Variants in RBM44 observed in about 807,000 individuals in gnomAD.
The protein encoded by RBM44 is RNA binding motif protein 44.
Under a neutral mutation model 105.1 loss-of-function variants are expected in RBM44, and 66 were observed. That is an observed-to-expected ratio of 0.63 (90% confidence interval 0.52 to 0.77). The LOEUF is 0.77. Ranked by LOEUF, RBM44 falls within the 30% of genes least tolerant of loss-of-function variation. RBM44 has a pLI of 0.00. For synonymous variants in RBM44, 365 were observed against 417.6 expected (o/e 0.87, Z 1.54); for missense variants, 1,122 against 1,207.8 (o/e 0.93, Z 1.05).
chr2:237,832,916 A>G (rs2061917454), intron 13 of RBM44, among the ~76,000 whole-genome samples: 1 of 152,220 alleles, frequency 6.6e-6, no homozygotes, highest in South Asian at 2.1e-4. Flanking sequence ...ATTACCTCAC[A>G]AATGTTGATG....
In RBM44 at chr2:237,817,060, G is replaced by A. The variant is rs745709231; in HGVS notation, c.141G>A (p.Leu47=). Reference sequence around the variant, plus strand: ...CCAATGGTTGTGATGAAGTCAAATTGACTTTTCCTGATGATGACTGGAATT... The same window carrying A: ...CCAATGGTTGTGATGAAGTCAAATTAACTTTTCCTGATGATGACTGGAATT... ...LSSNGCDEVK[L]TFPDDDWNSS... Residue 47 remains leucine, a synonymous_variant, in exon 3 of 16, where the codon TTG becomes TTA. Coordinates refer to ENST00000316997, the MANE Select transcript of RBM44 (RefSeq NM_001080504.3). 5.0e-6 allele frequency: 8 copies of A among 1,597,220 alleles called. No individual in the cohort carries two copies. Among genetic ancestry groups the A allele is most frequent in the Non-Finnish European group, 6.8e-6 (8 of 1,173,220 alleles).
At chr2:237,830,676 T>C (rs1449786552) in intron 13 of RBM44, among the ~76,000 whole-genome samples, 2 of 152,188 alleles carry the variant, frequency 1.3e-5, no homozygotes, top group Non-Finnish European at 2.9e-5. Context: ...CTATTTCTGT[T>C]GAATTACCTT....
At chr2:237,820,428 A>C (rs1286881000) in intron 5 of RBM44, 77 bp downstream of exon 5, 11 of 923,952 alleles carry the variant, frequency 1.2e-5, no homozygotes, top group Non-Finnish European at 1.6e-5. Context: ...AGTTTCTCTA[A>C]TTTTCATTTT....
intron 12 of RBM44, 23 bp downstream of exon 12, chr2:237,827,526 A>G: frequency 7.0e-6 from 9 of 1,281,150 alleles, no homozygotes; most frequent in Admixed American, 2.1e-5. Context: ...ACTTTAATCA[A>G]TGTGCATTAT....
intron 8 of RBM44, among the ~76,000 whole-genome samples, chr2:237,822,488 G>C (rs1433547535): frequency 1.3e-5 from 2 of 152,018 alleles, no homozygotes; most frequent in Non-Finnish European, 2.9e-5. Flanking sequence ...TCTGACCTTG[G>C]TTTTAACCCT....
chr2:237,816,893 C>G, intron 2 of RBM44, 100 bp from the exon 3 acceptor site: 1 of 683,704 alleles, frequency 1.5e-6, no homozygotes, highest in Non-Finnish European at 2.3e-6. Flanking sequence ...AAATTGTAAT[C>G]CCGCATTGGG....
rs1346705217 is a variant in RBM44 at position 237,818,132 on chromosome 2, T to G, written c.1213T>G (p.Ser405Ala). The change falls in exon 3 of 16, where the codon TCA becomes GCA. Residue 405 changes from serine (S) to alanine (A), a missense_variant. Around this residue, in one of 3 missense-constraint regions of RBM44, gnomAD observed 918 missense variants for 955.3 expected, o/e 0.96. Coordinates refer to ENST00000316997, the MANE Select transcript of RBM44 (RefSeq NM_001080504.3). This position sits in a 1 kb window ranked among gnomAD's most constrained non-coding sequence, Gnocchi z 4.6. The stretch of plus-strand genomic sequence containing the variant: ...TGAAAGCCTACAAAACACTGCTGAC[T>G]CAGCCTTAGATTTTTCTGCTATGCT... ...YYESLQNTAD[S>A]ALDFSAMLPK... 2 of 1,613,204 alleles carry G rather than the reference T, an allele frequency of 1.2e-6. No individual in the cohort carries two copies. The highest frequency in any genetic ancestry group is 1.7e-5 in the Admixed American group (1 of 59,832).
chr2:237,818,342 A>C lies in RBM44; in HGVS notation c.1423A>C (p.Arg475=). The change falls in exon 3 of 16, where the codon AGG becomes CGG. Residue 475 remains arginine, a synonymous_variant. Transcript: ENST00000316997. The surrounding 1 kb of genome is among the most constrained non-coding windows in gnomAD (Gnocchi z 4.6). ...NQTVDVSTDF[R]ACFTTSRATS... ...GACAGTGGACGTTAGCACTGATTTT[A>C]GGGCTTGTTTCACAACCAGCAGGGC... 2 of 1,611,076 alleles carry C rather than the reference A, an allele frequency of 1.2e-6. No individual in the cohort carries two copies. The highest frequency in any genetic ancestry group is 2.7e-5 in the African/African-American group (2 of 74,828).
rs945971682 is a variant in RBM44, at chr2:237,803,414, G to A, written c.-19+4553G>A. The stretch of plus-strand genomic sequence containing the variant: ...ATTCTAATGAATGTGAAGTGGTACC[G>A]TGGTTGTTTAAATTTGCATTTCCCT... On this transcript the variant is annotated intron_variant, in intron 1 of 15. Coordinates refer to ENST00000316997, the MANE Select transcript of RBM44 (RefSeq NM_001080504.3). This position sits in a 1 kb window ranked among gnomAD's most constrained non-coding sequence, Gnocchi z 4.2. Among the ~76,000 whole-genome samples, 25 of 152,216 alleles carry A rather than the reference G, an allele frequency of 1.6e-4. No individual in the cohort carries two copies. Among genetic ancestry groups the A allele is most frequent in the African/African-American group, 4.3e-4 (18 of 41,508 alleles).
Position 237,834,424 on chromosome 2 carries a change from G to A in RBM44, c.*22+1G>A. ...TAGGAATTCAAAAAACAATAAAGAG[G>A]TAAAGTAATCATATTCTTTTGTATT... is the stretch of plus-strand genomic sequence containing the variant. On this transcript the variant is annotated splice_donor_variant, in intron 15 of 15. Coordinates refer to ENST00000316997, the MANE Select transcript of RBM44 (RefSeq NM_001080504.3). LOFTEE classifies it low-confidence loss of function (3UTR_SPLICE). 1 of 1,426,968 alleles carries A rather than the reference G, an allele frequency of 7.0e-7. No homozygotes were observed. The highest frequency in any genetic ancestry group is 9.4e-7 in the Non-Finnish European group (1 of 1,067,148). The allele number at this position is 1,426,968 out of a possible 1,614,324, so 88.4% of individuals were successfully genotyped here.
At chr2:237,799,688 T>C (rs140327017) in intron 1 of RBM44, among the ~76,000 whole-genome samples, 228 of 152,228 alleles carry the variant, frequency 1.5e-3, no homozygotes, top group Middle Eastern at 6.8e-3. Context: ...GCCCGGACCG[T>C]TGTAGGGTTT....
chr2:237,824,679 A>G (rs771133587), intron 10 of RBM44, among the ~76,000 whole-genome samples: 1 of 152,164 alleles, frequency 6.6e-6, no homozygotes, highest in Non-Finnish European at 1.5e-5. Flanking sequence ...CTAGGCCAAC[A>G]TCAGCACTCC....
chr2:237,819,090 C>T (rs1419326235), intron 4 of RBM44, 131 bp downstream of exon 4: 13 of 445,678 alleles, frequency 2.9e-5, no homozygotes, highest in African/African-American at 1.6e-4. Flanking sequence ...CTGTTTCAAC[C>T]GTTTGCATTC....
At chr2:237,813,523 G>A in intron 1 of RBM44, 69 bp from the exon 2 acceptor site, 1 of 801,902 alleles carries the variant, frequency 1.2e-6, no homozygotes, top group East Asian at 2.8e-5. Flanking sequence ...ATATCTTTCT[G>A]TCCTTTATGT....
At chr2:237,820,076 CAG>C in intron 4 of RBM44, 97 bp from the exon 5 acceptor site, 1 of 590,032 alleles carries the variant, frequency 1.7e-6, no homozygotes, top group East Asian at 3.2e-5. Context: ...TTAAACTTGA[CAG>C]GGAAATATAA....
intron 2 of RBM44, among the ~76,000 whole-genome samples, chr2:237,815,851 T>C (rs1179927640): frequency 1.3e-5 from 2 of 152,094 alleles, no homozygotes; most frequent in East Asian, 3.8e-4. Flanking sequence ...TCTGTTTTGG[T>C]ACCTGCCTTT....
Position 237,820,218 on chromosome 2 carries a change from A to G in RBM44, c.1780A>G (p.Met594Val), listed in dbSNP as rs772498639. Residue 594 changes from methionine to valine, a missense_variant, in exon 5 of 16, where the codon ATG (methionine) becomes GTG (valine). Met to Val is a conservative substitution (Grantham distance 21, BLOSUM62 1). Coordinates refer to ENST00000316997, the MANE Select transcript of RBM44 (RefSeq NM_001080504.3). ...FKDTEKDLPS[M>V]CCQKIMQRAI... ...AGATACAGAGAAGGATTTGCCATCA[A>G]TGTGCTGTCAGAAGATAATGCAGAG... The G allele has an allele frequency of 3.2e-6, 5 of 1,574,486 alleles. No individual in the cohort carries two copies. The highest frequency in any genetic ancestry group is 4.3e-6 in the Non-Finnish European group (5 of 1,159,636).
intron 1 of RBM44, among the ~76,000 whole-genome samples, chr2:237,800,727 C>CT (rs200312897): frequency 0.1 from 14,290 of 137,214 alleles, 1,057 homozygotes; most frequent in East Asian, 0.33. Flanking sequence ...ACTCTCAATC[C>CT]TTTTTTTTTT....
chr2:237,826,139 A>G (rs1278350829), intron 10 of RBM44, among the ~76,000 whole-genome samples: 1 of 152,030 alleles, frequency 6.6e-6, no homozygotes, highest in African/African-American at 2.4e-5. Context: ...GTGTTAGGCT[A>G]CTCTTATATA....
Sources: gnomAD v4.1 joint callset for allele counts (sites outside exome capture counted in the v4.1 genomes callset) on GRCh38, gnomAD v4.1.1 for gene constraint, gnomAD v4.1.1 regional missense constraint, Gnocchi (gnomAD v3.1) non-coding constraint, MANE v1.5 for transcripts, NCBI Gene and HGNC (gene_info 2026-07-23, HGNC 2026-07-21) for gene names.